Variants in SHB observed in about 807,000 individuals in gnomAD.
SHB encodes SH2 domain containing adaptor protein B, also known as SH2 domain-containing adapter protein B.
A neutral mutation model predicts 52.3 loss-of-function variants in SHB; 20 were observed. That is an observed-to-expected ratio of 0.38 (90% confidence interval 0.27 to 0.56). The LOEUF (loss-of-function observed/expected upper bound fraction) is 0.56. Among genes scored for constraint, SHB ranks in the 20% least tolerant of loss-of-function variants. The pLI is 0.71. For synonymous variants in SHB, 397 were observed against 316.5 expected (o/e 1.25, Z -2.70); for missense variants, 825 against 723.3 (o/e 1.14, Z -1.61).
intron 2 of SHB, among the ~76,000 whole-genome samples, chr9:37,995,070 A>T (rs549636656): frequency 1.3e-5 from 2 of 152,288 alleles, no homozygotes; most frequent in East Asian, 1.9e-4. Flanking sequence ...AACCTACAAA[A>T]ATTGATGTGG....
intron 1 of SHB, among the ~76,000 whole-genome samples, chr9:38,061,235 C>T (rs887075774): frequency 2.0e-5 from 3 of 150,994 alleles, no homozygotes; most frequent in Non-Finnish European, 4.4e-5. Flanking sequence ...TCGCCTGAGC[C>T]TGGGAAGTTG....
intron 1 of SHB, among the ~76,000 whole-genome samples, chr9:38,041,780 G>T (rs1440979930): frequency 6.6e-6 from 1 of 152,178 alleles, no homozygotes; most frequent in African/African-American, 2.4e-5. Flanking sequence ...GGTCGTGACA[G>T]GGGCCGGTAC....
At chr9:37,951,043 A>G (rs893400411) in intron 4 of SHB, among the ~76,000 whole-genome samples, 2 of 152,224 alleles carry the variant, frequency 1.3e-5, no homozygotes, top group African/African-American at 2.4e-5. Context: ...GTCCCCATGC[A>G]ATTCCTGCCA....
chr9:37,961,997 C>T (rs1000817398), intron 3 of SHB, among the ~76,000 whole-genome samples: 5 of 152,190 alleles, frequency 3.3e-5, no homozygotes, highest in African/African-American at 4.8e-5. Context: ...TGCAGTGACT[C>T]GACTCACAGT....
intron 2 of SHB, among the ~76,000 whole-genome samples, chr9:37,994,248 ACTT>A (rs1371792516): frequency 2.0e-5 from 3 of 152,198 alleles, no homozygotes; most frequent in Non-Finnish European, 2.9e-5. Context: ...AAATCCTCCA[ACTT>A]CTCTCTGCTT....
At chr9:38,029,711 G>A (rs749916620) in intron 1 of SHB, among the ~76,000 whole-genome samples, 2 of 152,026 alleles carry the variant, frequency 1.3e-5, no homozygotes, top group Non-Finnish European at 2.9e-5. Flanking sequence ...GGCTGCTCTC[G>A]AACTCCTGAC....
At chr9:38,014,740 A>C (rs756746582) in intron 2 of SHB, among the ~76,000 whole-genome samples, 29 of 152,196 alleles carry the variant, frequency 1.9e-4, no homozygotes, top group Non-Finnish European at 3.5e-4. Context: ...TGGTCAGAGA[A>C]TCTCCTTCCA....
intron 3 of SHB, among the ~76,000 whole-genome samples, chr9:37,974,305 A>G (rs1470705210): frequency 6.6e-6 from 1 of 152,176 alleles, no homozygotes; most frequent in Non-Finnish European, 1.5e-5. Context: ...TCTTGGCTTC[A>G]GTGAGCTAGG....
In SHB at chr9:38,012,942, C is replaced by T. The variant is rs73437971; in HGVS notation, c.838+3069G>A. ...CTCTCTTCCCCCACCATCTCCCCTT[C>T]GAAAAGCTTCACGTCAGCTCTGCAA... On this transcript the variant is annotated intron_variant, in intron 2 of 5. Transcript: ENST00000377707. 8.3e-3 allele frequency among the ~76,000 whole-genome samples: 1,262 copies of T among 151,884 alleles called. 16 individuals are homozygous for T. Among genetic ancestry groups the T allele is most frequent in the African/African-American group, 0.028 (1,153 of 41,396 alleles).
chr9:37,926,551 T>A (rs996715192), intron 5 of SHB, among the ~76,000 whole-genome samples: 1 of 152,190 alleles, frequency 6.6e-6, no homozygotes, highest in African/African-American at 2.4e-5. Flanking sequence ...ATGCAGCCAC[T>A]GAGGCGAGAA....
chr9:38,030,018 G>A (rs943656038), intron 1 of SHB, among the ~76,000 whole-genome samples: 5 of 152,160 alleles, frequency 3.3e-5, no homozygotes, highest in Admixed American at 1.3e-4. Context: ...ACATCACTGC[G>A]AGATGGATGT....
intron 1 of SHB, among the ~76,000 whole-genome samples, chr9:38,035,596 G>C (rs1201077806): frequency 1.3e-5 from 2 of 152,152 alleles, no homozygotes; most frequent in African/African-American, 2.4e-5. Flanking sequence ...ATCACATCCT[G>C]AAGTTCAGCA....
At chr9:38,015,242 T>C (rs1286398886) in intron 2 of SHB, 3 of 587,474 alleles carry the variant, frequency 5.1e-6, no homozygotes, top group African/African-American at 3.7e-5. Context: ...ACAACAGGGG[T>C]TTCCCTTTTG....
chr9:37,967,862 A>C (rs1054706132), intron 3 of SHB, among the ~76,000 whole-genome samples: 2 of 152,254 alleles, frequency 1.3e-5, no homozygotes, highest in African/African-American at 2.4e-5. Flanking sequence ...GAAGGCGCGG[A>C]TCGGAGGAAG....
At chr9:38,022,905 C>G (rs1821298757) in intron 1 of SHB, among the ~76,000 whole-genome samples, 1 of 152,180 alleles carries the variant, frequency 6.6e-6, no homozygotes, top group African/African-American at 2.4e-5. Context: ...CAAACAGAGG[C>G]TCTAAGATGG....
At chr9:38,057,410 T>C (rs1236917957) in intron 1 of SHB, among the ~76,000 whole-genome samples, 2 of 152,228 alleles carry the variant, frequency 1.3e-5, no homozygotes, top group East Asian at 1.9e-4. Context: ...TTCTGAGTTT[T>C]GCTTACTTAT....
At chr9:38,023,440 C>G (rs972192264) in intron 1 of SHB, among the ~76,000 whole-genome samples, 1 of 152,176 alleles carries the variant, frequency 6.6e-6, no homozygotes, top group East Asian at 1.9e-4. Context: ...GCAGATGGCA[C>G]CTCCAGGATG....
intron 1 of SHB, among the ~76,000 whole-genome samples, chr9:38,041,784 C>T (rs1013217809): frequency 2.6e-5 from 4 of 152,120 alleles, no homozygotes; most frequent in African/African-American, 9.7e-5. Flanking sequence ...GTGACAGGGG[C>T]CGGTACTGAA....
At chr9:37,986,145 A>G (rs758598861) in intron 2 of SHB, among the ~76,000 whole-genome samples, 1 of 152,204 alleles carries the variant, frequency 6.6e-6, no homozygotes, top group Non-Finnish European at 1.5e-5. Flanking sequence ...GTCCTGATGC[A>G]AGGAGACACC....
Sources: gnomAD v4.1 joint callset for allele counts (sites outside exome capture counted in the v4.1 genomes callset) on GRCh38, gnomAD v4.1.1 for gene constraint, MANE v1.5 for transcripts, NCBI Gene and HGNC (gene_info 2026-07-23, HGNC 2026-07-21) for gene names.